Variants in SLC5A5 observed in about 807,000 individuals in gnomAD.
The protein encoded by SLC5A5 is sodium/iodide cotransporter.
Under a neutral mutation model 68.6 loss-of-function variants are expected in SLC5A5, and 56 were observed. The observed-to-expected ratio is 0.82, with a 90% confidence interval of 0.66 to 1.02. The LOEUF is 1.02. Among genes scored for constraint, SLC5A5 ranks in the 50% least tolerant of loss-of-function variants. The pLI, the probability that SLC5A5 is intolerant of heterozygous loss-of-function variation, is 0.00. For synonymous variants in SLC5A5, 398 were observed against 373.0 expected, an observed-to-expected ratio of 1.07 and a Z score of -0.77; for missense variants, 807 against 859.8, an observed-to-expected ratio of 0.94 and a Z score of 0.77.
At chr19:17,874,063 G>A in intron 1 of SLC5A5, 75 bp from the exon 2 acceptor site, 1 of 1,074,316 alleles carries the variant, frequency 9.3e-7, no homozygotes, top group Non-Finnish European at 1.4e-6. Context: ...CCCACCTAGA[G>A]AGCAGACCAG....
chr19:17,883,770 GA>G lies in SLC5A5; in HGVS notation c.1329+4del. Reference sequence around the variant, plus strand: ...TCCTGCCGGCCTGCAACACACCGGTGAGTGGGGGCGGGGCAAGGGGCGGGGA... The same window carrying G: ...TCCTGCCGGCCTGCAACACACCGGTGGTGGGGGCGGGGCAAGGGGCGGGGA... On this transcript the variant is annotated splice_donor_region_variant and intron_variant, in intron 11 of 14. Transcript: ENST00000222248. The G allele has an allele frequency of 6.2e-7, 1 of 1,610,414 alleles. No homozygotes were observed. The highest frequency in any genetic ancestry group is 8.5e-7 in the Non-Finnish European group (1 of 1,177,636).
Position 17,888,928 on chromosome 19 carries a change from A to G in SLC5A5, c.1651+473A>G, listed in dbSNP as rs572174502. Reference sequence around the variant, plus strand: ...GAGCCACTGCACCTGGGCTGTACCTATTTTTTTAAAAGGAAAAAAAAAGTT... The same window carrying G: ...GAGCCACTGCACCTGGGCTGTACCTGTTTTTTTAAAAGGAAAAAAAAAGTT... On this transcript the variant is annotated intron_variant, in intron 13 of 14. Coordinates refer to ENST00000222248, the MANE Select transcript of SLC5A5 (RefSeq NM_000453.3). 2.9e-4 allele frequency among the ~76,000 whole-genome samples: 43 copies of G among 150,100 alleles called. No homozygotes were observed. In the East Asian group the frequency reaches 6.2e-3, roughly 22 times the overall value.
rs1349971772 is a variant in SLC5A5, at chr19:17,889,242, CA to C, written c.1651+794del. Among the ~76,000 whole-genome samples the C allele has an allele frequency of 1.9e-4, 29 of 151,470 alleles. 1 individual carries two copies. Among genetic ancestry groups the C allele is most frequent in the Middle Eastern group, 6.8e-3 (2 of 294 alleles). On this transcript the variant is annotated intron_variant, in intron 13 of 14. Transcript: ENST00000222248. ...TGAAACCCCGTCTCTACTAAAAATA[CA>C]AAAAAATTAGCTGGGCATGGTGGCA...
intron 14 of SLC5A5, among the ~76,000 whole-genome samples, chr19:17,893,398 C>T (rs755066013): frequency 2.0e-5 from 3 of 151,990 alleles, no homozygotes; most frequent in East Asian, 1.9e-4. Flanking sequence ...CCACCGTGCC[C>T]GGCCAGAAAT....
intron 14 of SLC5A5, 92 bp from the exon 15 acceptor site, chr19:17,893,621 G>A: frequency 7.6e-7 from 1 of 1,312,262 alleles, no homozygotes; most frequent in Non-Finnish European, 1.1e-6. Flanking sequence ...CGTCCCGCCA[G>A]GTCATCAGTA....
At chr19:17,879,693 G>A (rs762230728) in intron 7 of SLC5A5, among the ~76,000 whole-genome samples, 1 of 152,140 alleles carries the variant, frequency 6.6e-6, no homozygotes, top group Non-Finnish European at 1.5e-5. Context: ...GGTCAGATCC[G>A]GGACTGCTGG....
intron 10 of SLC5A5, among the ~76,000 whole-genome samples, chr19:17,882,777 G>C (rs1786690725): frequency 6.6e-6 from 1 of 152,022 alleles, no homozygotes; most frequent in Non-Finnish European, 1.5e-5. Context: ...TCAGCCTCCT[G>C]GGTTCACGCC....
At chr19:17,874,862 A>G in intron 4 of SLC5A5, 131 bp downstream of exon 4, 1 of 826,166 alleles carries the variant, frequency 1.2e-6, no homozygotes, top group Non-Finnish European at 2.0e-6. Context: ...CCTCATCTTT[A>G]TAGTGAAAAA....
intron 13 of SLC5A5, among the ~76,000 whole-genome samples, chr19:17,890,272 T>C (rs2030113299): frequency 6.6e-6 from 1 of 152,140 alleles, no homozygotes; most frequent in South Asian, 2.1e-4. Context: ...GGTTTCGCCA[T>C]GTTGGCCAGA....
intron 1 of SLC5A5, 62 bp downstream of exon 1, chr19:17,872,738 G>A (rs2094297478): frequency 1.9e-6 from 2 of 1,074,514 alleles, no homozygotes; most frequent in South Asian, 1.3e-5. Context: ...CCCCGTGTGG[G>A]GGAGGCGCTG....
intron 12 of SLC5A5, among the ~76,000 whole-genome samples, chr19:17,885,810 C>T (rs568652990): frequency 6.6e-6 from 1 of 152,190 alleles, no homozygotes; most frequent in African/African-American, 2.4e-5. Flanking sequence ...CTGTTCTGGG[C>T]ATTTCATGTA....
chr19:17,889,450 AAGAG>A (rs1348584094), intron 13 of SLC5A5, among the ~76,000 whole-genome samples: 5 of 121,484 alleles, frequency 4.1e-5, no homozygotes, highest in Non-Finnish European at 6.1e-5. Flanking sequence ...AGGAAAGAGA[AAGAG>A]AGAGAGAGAG....
intron 12 of SLC5A5, among the ~76,000 whole-genome samples, chr19:17,885,026 G>A (rs971599245): frequency 3.3e-5 from 4 of 122,598 alleles, no homozygotes; most frequent in Non-Finnish European, 5.4e-5. Context: ...TTTTTTTTTG[G>A]AGCAGGGTCT....
In SLC5A5 at chr19:17,872,188, G is replaced by A; in HGVS notation, c.-132G>A. On this transcript the variant is annotated 5_prime_UTR_variant, in exon 1 of 15. Coordinates refer to ENST00000222248, the MANE Select transcript of SLC5A5 (RefSeq NM_000453.3). ...GCCCCTCTCGCCGCTTCCCACCCCA[G>A]ACGGAGCGGGGACAGGCTGCCGAGC... 3 of 679,040 alleles carry A rather than the reference G, an allele frequency of 4.4e-6. No homozygotes were observed. Among genetic ancestry groups the A allele is most frequent in the Middle Eastern group, 4.1e-4 (1 of 2,458 alleles). 42.1% of individuals were successfully genotyped at this position (679,040 alleles called of 1,614,324 possible). A position where few individuals can be genotyped will look rare whatever the true frequency, so the allele number is the denominator to read the frequency against.
intron 2 of SLC5A5, 75 bp downstream of exon 2, chr19:17,874,278 C>G: frequency 9.4e-7 from 1 of 1,068,192 alleles, no homozygotes; most frequent in East Asian, 2.5e-5. Flanking sequence ...CCCCACCATT[C>G]AAGACCCCGC....
At chr19:17,885,130 C>A (rs931852966) in intron 12 of SLC5A5, among the ~76,000 whole-genome samples, 14 of 151,848 alleles carry the variant, frequency 9.2e-5, no homozygotes, top group African/African-American at 3.1e-4. Flanking sequence ...CCTCAGCCCC[C>A]CTAGTTGCTG....
At position 17,874,376 on chromosome 19, in the gene SLC5A5, T is replaced by C. The variant is rs577948591; in HGVS notation, c.424-118T>C. On this transcript the variant is annotated intron_variant, in intron 2 of 14. Transcript: ENST00000222248. ...AGCCGGCCTGACCCCGCCTGCACTCTGGAAGACCCGGCCTATCTGCCCCGC... is the reference window on the plus strand; with the variant it reads ...AGCCGGCCTGACCCCGCCTGCACTCCGGAAGACCCGGCCTATCTGCCCCGC... The C allele has an allele frequency of 1.6e-5, 17 of 1,044,136 alleles. No individual in the cohort carries two copies. In the African/African-American group the frequency reaches 1.8e-4, roughly 11 times the overall value. The allele number at this position is 1,044,136 out of a possible 1,614,324, so 64.7% of individuals were successfully genotyped here.
chr19:17,883,040 G>T (rs1568423151), intron 10 of SLC5A5, among the ~76,000 whole-genome samples: 1 of 151,682 alleles, frequency 6.6e-6, no homozygotes, highest in East Asian at 1.9e-4. Flanking sequence ...GTCTGGTCTC[G>T]AACTCCTGAC....
intron 8 of SLC5A5, among the ~76,000 whole-genome samples, chr19:17,881,441 A>AT (rs1232160552): frequency 1.3e-5 from 2 of 151,964 alleles, no homozygotes; most frequent in African/African-American, 4.8e-5. Context: ...TAATTTTTGT[A>AT]TTTTTAGTAG....
Sources: allele counts gnomAD v4.1 joint callset (sites outside exome capture counted in the v4.1 genomes callset), GRCh38; gene constraint gnomAD v4.1.1; transcripts MANE v1.5; gene names NCBI Gene and HGNC (gene_info 2026-07-23, HGNC 2026-07-21).